The following CLEC5A variants were observed in gnomAD, a reference collection of about 807,000 sequenced individuals.
The protein encoded by CLEC5A is C-type lectin domain containing 5A.
A neutral mutation model predicts 24.4 loss-of-function variants in CLEC5A; 15 were observed. That is an observed-to-expected ratio of 0.62 (90% CI 0.41 to 0.95). CLEC5A has a LOEUF of 0.95. Among genes scored for constraint, CLEC5A ranks in the 40% least tolerant of loss-of-function variants. CLEC5A has a pLI of 0.00. For missense variants in CLEC5A, 211 were observed against 224.0 expected, an observed-to-expected ratio of 0.94 and a Z score of 0.37; for synonymous variants, 71 against 72.6, an observed-to-expected ratio of 0.98 and a Z score of 0.11.
At chr7:141,940,476 A>G (rs781907856) in intron 4 of CLEC5A, among the ~76,000 whole-genome samples, 6 of 151,858 alleles carry the variant, frequency 4.0e-5, no homozygotes, top group Non-Finnish European at 8.8e-5. Context: ...AAAACCAAGA[A>G]AAAATAAAAA....
chr7:141,942,379 T>G lies in CLEC5A; in HGVS notation c.208+1517A>C, dbSNP rs111714600. Among the ~76,000 whole-genome samples, 657 of 152,162 alleles carry G rather than the reference T, an allele frequency of 4.3e-3. 5 individuals carry two copies. The highest frequency in any genetic ancestry group is 0.015 in the African/African-American group (631 of 41,526). On this transcript the variant is annotated intron_variant, in intron 4 of 6. Transcript: ENST00000546910. ...CTGGGACACTGGATATTCATATGCATAAGAATGAAAGGAGACCCTTATCTC... is the reference window on the plus strand; with the variant it reads ...CTGGGACACTGGATATTCATATGCAGAAGAATGAAAGGAGACCCTTATCTC...
At chr7:141,945,523 T>A in intron 2 of CLEC5A, 123 bp from the exon 3 acceptor site, 1 of 729,372 alleles carries the variant, frequency 1.4e-6, no homozygotes, top group Non-Finnish European at 2.5e-6. Context: ...CTGAACTCTC[T>A]GACTCAGTGA....
At chr7:141,931,418 C>G (rs1802455835) in intron 6 of CLEC5A, 1 of 443,696 alleles carries the variant, frequency 2.3e-6, no homozygotes, top group African/African-American at 2.0e-5. Flanking sequence ...AAACTAGCAT[C>G]TATAGAGAGC....
chr7:141,930,361 G>T lies in CLEC5A; in HGVS notation c.453-143C>A, dbSNP rs1158957183. 7 of 627,106 alleles carry T rather than the reference G, an allele frequency of 1.1e-5. No individual in the cohort carries two copies. The Admixed American group carries it at 1.4e-4, about 12-fold the overall frequency. The allele number at this position is 627,106 out of a possible 1,614,324, so 38.8% of individuals were successfully genotyped here. On this transcript the variant is annotated intron_variant, in intron 6 of 6. Transcript: ENST00000546910. ...GCCTGGAAGGGCAGCAGACTACCGG[G>T]CCCACACACGTCTCCATCTGCGTAG...
At position 141,935,030 on chromosome 7, in the gene CLEC5A, G is replaced by A. The variant is rs782740068; in HGVS notation, c.345+784C>T. On this transcript the variant is annotated intron_variant, in intron 5 of 6. Transcript: ENST00000546910. Reference sequence around the variant, plus strand: ...TTAAGACATTTTCCCTTGCTACCTGGGTACTTAGCCCTAGAGGGTTTGTAG... The same window carrying A: ...TTAAGACATTTTCCCTTGCTACCTGAGTACTTAGCCCTAGAGGGTTTGTAG... Among the ~76,000 whole-genome samples, 122 of 152,104 alleles carry A rather than the reference G, an allele frequency of 8.0e-4. 2 individuals are homozygous for A. The highest frequency in any genetic ancestry group is 6.8e-3 in the Middle Eastern group (2 of 294).
chr7:141,931,275 C>T lies in CLEC5A; in HGVS notation c.452+445G>A, dbSNP rs183685259. On this transcript the variant is annotated intron_variant, in intron 6 of 6. Transcript: ENST00000546910. ...TATAGAAATAGATCTCATCTCTATACCAACTGGGTTGCCTCCATAAAACTG... is the reference window on the plus strand; with the variant it reads ...TATAGAAATAGATCTCATCTCTATATCAACTGGGTTGCCTCCATAAAACTG... Among the ~76,000 whole-genome samples the T allele has an allele frequency of 3.9e-5, 6 of 152,250 alleles. No homozygotes were observed. The East Asian group carries it at 1.2e-3, about 29-fold the overall frequency.
intron 4 of CLEC5A, among the ~76,000 whole-genome samples, chr7:141,943,275 A>G (rs1344688830): frequency 6.6e-6 from 1 of 152,224 alleles, no homozygotes; most frequent in East Asian, 1.9e-4. Context: ...TTGCAACAAC[A>G]TGAATGGAAC....
intron 5 of CLEC5A, among the ~76,000 whole-genome samples, chr7:141,932,485 C>T (rs1309980279): frequency 1.3e-5 from 2 of 152,176 alleles, no homozygotes; most frequent in African/African-American, 4.8e-5. Flanking sequence ...TTGTCACATA[C>T]GTCCCATAAT....
At chr7:141,942,673 C>T (rs781993577) in intron 4 of CLEC5A, among the ~76,000 whole-genome samples, 9 of 151,936 alleles carry the variant, frequency 5.9e-5, no homozygotes, top group Non-Finnish European at 8.8e-5. Flanking sequence ...TGAAAACCAC[C>T]CATTTGACAA....
chr7:141,938,253 G>A (rs1802688169), intron 4 of CLEC5A, among the ~76,000 whole-genome samples: 1 of 151,982 alleles, frequency 6.6e-6, no homozygotes, highest in Admixed American at 6.5e-5. Context: ...CCTGTGTTGA[G>A]GAAACTCAAA....
At chr7:141,931,985 TTGTCA>T in intron 5 of CLEC5A, 159 bp from the exon 6 acceptor site, 1 of 476,692 alleles carries the variant, frequency 2.1e-6, no homozygotes, top group Non-Finnish European at 3.7e-6. Flanking sequence ...AAAGAAGTCA[TTGTCA>T]AGATTCAGAG....
At chr7:141,935,668 C>T in intron 5 of CLEC5A, 146 bp downstream of exon 5, 2 of 707,882 alleles carry the variant, frequency 2.8e-6, no homozygotes, top group East Asian at 5.1e-5. Context: ...AACCTCCAGT[C>T]CAGAACAAAT....
At chr7:141,941,408 G>T (rs542338346) in intron 4 of CLEC5A, among the ~76,000 whole-genome samples, 1 of 152,092 alleles carries the variant, frequency 6.6e-6, no homozygotes, top group Admixed American at 6.5e-5. Context: ...CAAAAAACAG[G>T]GTATTGAAGG....
intron 4 of CLEC5A, among the ~76,000 whole-genome samples, chr7:141,941,303 A>G (rs997402765): frequency 5.3e-5 from 8 of 152,284 alleles, no homozygotes; most frequent in Admixed American, 6.5e-5. Flanking sequence ...AATACATTAT[A>G]TCAACAGAAT....
intron 5 of CLEC5A, 157 bp from the exon 6 acceptor site, chr7:141,931,983 C>G (rs1802482188): frequency 2.1e-6 from 1 of 476,602 alleles, no homozygotes; most frequent in Non-Finnish European, 3.7e-6. Context: ...CTAAAGAAGT[C>G]ATTGTCAAGA....
At chr7:141,932,293 T>C (rs1230402658) in intron 5 of CLEC5A, among the ~76,000 whole-genome samples, 2 of 152,248 alleles carry the variant, frequency 1.3e-5, no homozygotes, top group African/African-American at 2.4e-5. Flanking sequence ...TTTCTATATA[T>C]TGAGTACTTA....
At chr7:141,932,108 T>C (rs1256325918) in intron 5 of CLEC5A, among the ~76,000 whole-genome samples, 1 of 152,162 alleles carries the variant, frequency 6.6e-6, no homozygotes, top group East Asian at 1.9e-4. Flanking sequence ...AATGCCCAGG[T>C]GATACTGATG....
intron 2 of CLEC5A, chr7:141,945,985 C>G (rs782280891): frequency 1.4e-5 from 7 of 510,556 alleles, no homozygotes; most frequent in Non-Finnish European, 2.1e-5. Flanking sequence ...GGCGTTCTAA[C>G]CATCAGAAAC....
At chr7:141,934,613 GTTTTTTTTTTT>G (rs577797546) in intron 5 of CLEC5A, among the ~76,000 whole-genome samples, 34 of 61,796 alleles carry the variant, frequency 5.5e-4, no homozygotes, top group East Asian at 2.7e-3. Context: ...TTTCTTTAAC[GTTTTTTTTTTT>G]TTTTTTTTTT....
Sources: gnomAD v4.1 joint callset for allele counts (sites outside exome capture counted in the v4.1 genomes callset) on GRCh38, gnomAD v4.1.1 for gene constraint, MANE v1.5 for transcripts, NCBI Gene and HGNC (gene_info 2026-07-23, HGNC 2026-07-21) for gene names.